Variants in TMED3 observed in about 807,000 individuals in gnomAD.
TMED3 encodes transmembrane p24 trafficking protein 3, also known as transmembrane emp24 domain-containing protein 3.
TMED3 carries 9 observed loss-of-function variants against 15.0 expected under a neutral mutation model. The ratio of observed to expected loss-of-function variants is 0.60; its 90% confidence interval spans 0.36 to 1.04. The LOEUF is 1.04. Among genes scored for constraint, TMED3 ranks in the 50% least tolerant of loss-of-function variants. TMED3 has a pLI of 0.01. For missense variants in TMED3, 267 were observed against 278.9 expected (o/e 0.96, Z 0.30); for synonymous variants, 117 against 121.4 (o/e 0.96, Z 0.24).
At chr15:79,401,741 G>A (rs750473338) in intron 2 of TMED3, among the ~76,000 whole-genome samples, 4 of 152,150 alleles carry the variant, frequency 2.6e-5, no homozygotes, top group Non-Finnish European at 4.4e-5. Context: ...AGGACAAATG[G>A]AAAAGAGAAA....
intron 2 of TMED3, among the ~76,000 whole-genome samples, chr15:79,384,931 A>G (rs1188583072): frequency 1.3e-5 from 2 of 152,174 alleles, no homozygotes; most frequent in East Asian, 1.9e-4. Context: ...ACGGAGAGGA[A>G]TGAAAGGCGT....
At chr15:79,331,268 T>G (rs911562402) in intron 2 of TMED3, among the ~76,000 whole-genome samples, 1 of 152,052 alleles carries the variant, frequency 6.6e-6, no homozygotes. Flanking sequence ...CATAACACAG[T>G]GAACTGATTT....
At chr15:79,339,402 G>A (rs562572304) in intron 2 of TMED3, among the ~76,000 whole-genome samples, 291 of 152,306 alleles carry the variant, frequency 1.9e-3, no homozygotes, top group Non-Finnish European at 2.2e-3. Context: ...TTTGTCTTGT[G>A]TCTTTATTTC....
At chr15:79,340,243 T>C (rs537938965) in intron 2 of TMED3, among the ~76,000 whole-genome samples, 46 of 152,144 alleles carry the variant, frequency 3.0e-4, no homozygotes, top group Non-Finnish European at 5.4e-4. Context: ...ACCTCAAGGA[T>C]TGGGCAGGCA....
intron 2 of TMED3, among the ~76,000 whole-genome samples, chr15:79,374,218 A>G (rs966502290): frequency 6.6e-6 from 1 of 152,226 alleles, no homozygotes; most frequent in African/African-American, 2.4e-5. Flanking sequence ...GCTATCTGCC[A>G]TGTGATGCTA....
intron 2 of TMED3, among the ~76,000 whole-genome samples, chr15:79,331,019 G>C (rs915260052): frequency 1.3e-5 from 2 of 152,178 alleles, no homozygotes; most frequent in African/African-American, 4.8e-5. Context: ...TTTCTGGGGA[G>C]GCCTAAGGGA....
intron 2 of TMED3, among the ~76,000 whole-genome samples, chr15:79,400,095 G>C (rs1045003494): frequency 6.6e-6 from 1 of 152,182 alleles, no homozygotes; most frequent in African/African-American, 2.4e-5. Flanking sequence ...CTGAGGTCTA[G>C]CTAAAAGACC....
intron 2 of TMED3, among the ~76,000 whole-genome samples, chr15:79,376,052 C>T (rs977255419): frequency 3.3e-5 from 5 of 149,548 alleles, no homozygotes; most frequent in African/African-American, 1.2e-4. Flanking sequence ...AGTCAGGTGA[C>T]ATACCGTATC....
At chr15:79,366,688 C>G (rs574283295) in intron 2 of TMED3, among the ~76,000 whole-genome samples, 83 of 152,326 alleles carry the variant, frequency 5.4e-4, no homozygotes, top group Non-Finnish European at 8.8e-4. Flanking sequence ...TTTGGAAAAG[C>G]TGGCCATTTA....
intron 2 of TMED3, among the ~76,000 whole-genome samples, chr15:79,339,165 C>CCT (rs766792149): frequency 6.6e-6 from 1 of 150,510 alleles, no homozygotes; most frequent in Non-Finnish European, 1.5e-5. Flanking sequence ...CTCTTTGTCT[C>CCT]CTCTCTCTCT....
intron 2 of TMED3, among the ~76,000 whole-genome samples, chr15:79,399,319 T>A (rs1893804083): frequency 6.6e-6 from 1 of 152,132 alleles, no homozygotes; most frequent in Non-Finnish European, 1.5e-5. Flanking sequence ...TAATTAACCA[T>A]CACCTCAACT....
At chr15:79,395,919 A>G in intron 2 of TMED3, among the ~76,000 whole-genome samples, 1 of 152,242 alleles carries the variant, frequency 6.6e-6, no homozygotes, top group Non-Finnish European at 1.5e-5. Context: ...CTCAGTTTTC[A>G]TTTGGATCAG....
At chr15:79,391,002 T>C (rs906854302) in intron 2 of TMED3, among the ~76,000 whole-genome samples, 1 of 152,112 alleles carries the variant, frequency 6.6e-6, no homozygotes, top group Non-Finnish European at 1.5e-5. Context: ...GCTAATGGTC[T>C]ATCAATTCTA....
intron 2 of TMED3, among the ~76,000 whole-genome samples, chr15:79,380,342 T>G (rs937413790): frequency 6.6e-6 from 1 of 150,846 alleles, no homozygotes; most frequent in African/African-American, 2.4e-5. Context: ...AGAGCGAGAC[T>G]CTGTCTCAAC....
At chr15:79,338,921 TC>T (rs902436005) in intron 2 of TMED3, among the ~76,000 whole-genome samples, 1 of 151,986 alleles carries the variant, frequency 6.6e-6, no homozygotes, top group Non-Finnish European at 1.5e-5. Flanking sequence ...AGTCTCCCTT[TC>T]CCCGGGGAAT....
Position 79,406,558 on chromosome 15 carries a change from A to T in TMED3, c.418-4842A>T, listed in dbSNP as rs371246825. ...CATACAATTATTCTGGGAAGTAGCC[A>T]CAGATCCCTTTGGGAAAGGACTGGA... On this transcript the variant is annotated intron_variant, in intron 2 of 2. Transcript: ENST00000424155. Among the ~76,000 whole-genome samples the T allele has an allele frequency of 6.6e-5, 10 of 152,314 alleles. No individual in the cohort carries two copies. The East Asian group carries it at 1.3e-3, about 21-fold the overall frequency.
intron 2 of TMED3, among the ~76,000 whole-genome samples, chr15:79,351,903 T>C (rs1280070182): frequency 6.6e-6 from 1 of 152,124 alleles, no homozygotes; most frequent in East Asian, 1.9e-4. Context: ...AGGAACAAAA[T>C]AATGGCATTT....
At chr15:79,380,674 T>C (rs111280218) in intron 2 of TMED3, among the ~76,000 whole-genome samples, 9 of 151,762 alleles carry the variant, frequency 5.9e-5, no homozygotes, top group African/African-American at 1.7e-4. Context: ...AGTGCTGCTC[T>C]ACTTGGCAAT....
At chr15:79,317,176 G>C (rs2058744123) in intron 2 of TMED3, among the ~76,000 whole-genome samples, 1 of 152,168 alleles carries the variant, frequency 6.6e-6, no homozygotes, top group Non-Finnish European at 1.5e-5. Flanking sequence ...TCTGATCTGA[G>C]ATTGTTCCTT....
Sources: allele counts gnomAD v4.1 joint callset (sites outside exome capture counted in the v4.1 genomes callset), GRCh38; gene constraint gnomAD v4.1.1; transcripts MANE v1.5; gene names NCBI Gene and HGNC (gene_info 2026-07-23, HGNC 2026-07-21).